Variants in TBC1D2 observed in about 807,000 individuals in gnomAD.
The protein encoded by TBC1D2 is TBC1 domain family member 2A.
In TBC1D2, 58 loss-of-function variants were observed where a neutral mutation model predicts 91.1. The ratio of observed to expected loss-of-function variants is 0.64; its 90% CI spans 0.52 to 0.79. The LOEUF (loss-of-function observed/expected upper bound fraction) is 0.79. TBC1D2 is among the 30% of genes least tolerant of loss of function. The probability of loss-of-function intolerance (pLI) is 0.00; values close to 1 mark genes in which losing one functional copy is unlikely to be tolerated. For synonymous variants in TBC1D2, 482 were observed against 511.5 expected (o/e 0.94, Z 0.78); for missense variants, 1,080 against 1,208.3 (o/e 0.89, Z 1.57).
Position 98,221,000 on chromosome 9 carries a change from G to C in TBC1D2, c.1207C>G (p.His403Asp). ...REQQVQELQQ[H>D]VQLLMDKNHA... Reference sequence around the variant, plus strand: ...TTCTTGTCCATAAGCAGCTGCACGTGCTGCTGTAGCTCCTGCACCTGCTGC... The same window carrying C: ...TTCTTGTCCATAAGCAGCTGCACGTCCTGCTGTAGCTCCTGCACCTGCTGC... The change falls in exon 6 of 13, where the codon CAC (histidine) becomes GAC (aspartate). Residue 403 changes from histidine to aspartate, a missense_variant. Coordinates refer to ENST00000465784, the MANE Select transcript of TBC1D2 (RefSeq NM_001267571.2). 1 of 1,614,162 alleles carries C rather than the reference G, an allele frequency of 6.2e-7. No individual in the cohort carries two copies. Among genetic ancestry groups the C allele is most frequent in the Non-Finnish European group, 8.5e-7 (1 of 1,180,016 alleles).
intron 2 of TBC1D2, among the ~76,000 whole-genome samples, chr9:98,249,214 G>A (rs962901547): frequency 6.6e-6 from 1 of 152,194 alleles, no homozygotes; most frequent in African/African-American, 2.4e-5. Context: ...GCGAGGAAAG[G>A]TTTCAAGAGG....
intron 8 of TBC1D2, among the ~76,000 whole-genome samples, chr9:98,209,513 ACCC>A (rs2119025584): frequency 6.6e-6 from 1 of 152,284 alleles, no homozygotes; most frequent in South Asian, 2.1e-4. Flanking sequence ...TGCATACAGA[ACCC>A]CACTTACCAC....
At chr9:98,220,331 C>T (rs879333845) in intron 6 of TBC1D2, among the ~76,000 whole-genome samples, 4 of 152,182 alleles carry the variant, frequency 2.6e-5, no homozygotes, top group Non-Finnish European at 5.9e-5. Flanking sequence ...ATGCACCCAC[C>T]GAGGGCAGTG....
In TBC1D2 at chr9:98,245,063, A is replaced by AC. The variant is rs1829736385; in HGVS notation, c.512-935dup. Reference sequence around the variant, plus strand: ...AGACTGTCCTGGCTAACACGGTGAAACCCCATCTCTACTAAAAATACAAAA... The same window carrying AC: ...AGACTGTCCTGGCTAACACGGTGAAACCCCCATCTCTACTAAAAATACAAAA... On this transcript the variant is annotated intron_variant, in intron 2 of 12. Transcript: ENST00000465784. 2.0e-5 allele frequency among the ~76,000 whole-genome samples: 3 copies of AC among 151,972 alleles called. No individual in the cohort carries two copies. The South Asian group carries it at 6.2e-4, about 32-fold the overall frequency.
intron 3 of TBC1D2, among the ~76,000 whole-genome samples, chr9:98,236,904 G>GT (rs1181295906): frequency 1.3e-5 from 2 of 150,406 alleles, no homozygotes; most frequent in Non-Finnish European, 3.0e-5. Flanking sequence ...GGCATGCTTT[G>GT]TATCTGTGTA....
rs528252959 is a variant in TBC1D2, at chr9:98,220,998, G to A, written c.1209C>T (p.His403=). 12 of 1,614,156 alleles carry A rather than the reference G, an allele frequency of 7.4e-6. No individual in the cohort carries two copies. The highest frequency in any genetic ancestry group is 6.7e-5 in the East Asian group (3 of 44,874). ...GGTTCTTGTCCATAAGCAGCTGCAC[G>A]TGCTGCTGTAGCTCCTGCACCTGCT... ...REQQVQELQQ[H]VQLLMDKNHA... Residue 403 remains histidine (H), a synonymous_variant, in exon 6 of 13, where the codon CAC becomes CAT. Coordinates refer to ENST00000465784, the MANE Select transcript of TBC1D2 (RefSeq NM_001267571.2).
At chr9:98,241,675 C>T (rs1193199836) in intron 3 of TBC1D2, among the ~76,000 whole-genome samples, 3 of 152,132 alleles carry the variant, frequency 2.0e-5, no homozygotes, top group Non-Finnish European at 2.9e-5. Flanking sequence ...GTGAGACTGC[C>T]CTGGGTGCAT....
chr9:98,224,280 C>CTTTTTT (rs1170210699), intron 5 of TBC1D2, among the ~76,000 whole-genome samples: 168 of 107,398 alleles, frequency 1.6e-3, no homozygotes, highest in Middle Eastern at 5.0e-3. Flanking sequence ...TTTTTCTTTT[C>CTTTTTT]TTTTTTTTTT....
At chr9:98,227,890 G>T (rs1458388792) in intron 5 of TBC1D2, among the ~76,000 whole-genome samples, 1 of 152,136 alleles carries the variant, frequency 6.6e-6, no homozygotes, top group South Asian at 2.1e-4. Context: ...AAAGGCAGAC[G>T]AGGGGCCAAA....
rs754939774 is a variant in TBC1D2 at position 98,199,419 on chromosome 9, C to T, written c.2749G>A (p.Gly917Ser). Residue 917 changes from glycine (G) to serine (S), a missense_variant, in exon 13 of 13, where the codon GGC becomes AGC. Coordinates refer to ENST00000465784, the MANE Select transcript of TBC1D2 (RefSeq NM_001267571.2). ...TCCACCTCGTCCTCGCTGGCACAGC[C>T]CTCGGACACAGCTCTGCGCCGGGAT... The part of the protein sequence containing the change: ...RASRRRAVSE[G>S]CASEDEVEGE... 4 of 1,613,790 alleles carry T rather than the reference C, an allele frequency of 2.5e-6. No individual in the cohort carries two copies. Among genetic ancestry groups the T allele is most frequent in the Non-Finnish European group, 3.4e-6 (4 of 1,179,996 alleles).
At position 98,208,691 on chromosome 9, in the gene TBC1D2, G is replaced by T; in HGVS notation, c.2127C>A (p.Ile709=). The change falls in exon 9 of 13, where the codon ATC becomes ATA. Residue 709 remains isoleucine (I), a synonymous_variant. Coordinates refer to ENST00000465784, the MANE Select transcript of TBC1D2 (RefSeq NM_001267571.2). ...LLAFSWQNPT[I]GYCQGLNRLA... is the part of the protein sequence containing the mutation. ...ACCTGTTCAGGCCCTGGCAGTAGCC[G>T]ATGGTGGGGTTCTGCCAGGAGAAGG... 6.5e-7 allele frequency: 1 copy of T among 1,531,958 alleles called. No individual in the cohort carries two copies. The highest frequency in any genetic ancestry group is 1.3e-5 in the South Asian group (1 of 79,176). 94.9% of individuals were successfully genotyped at this position (1,531,958 alleles called of 1,614,324 possible). A position where few individuals can be genotyped will look rare whatever the true frequency, so the allele number is the denominator to read the frequency against.
intron 3 of TBC1D2, among the ~76,000 whole-genome samples, chr9:98,240,112 G>T (rs773581564): frequency 6.6e-6 from 1 of 151,922 alleles, no homozygotes; most frequent in Non-Finnish European, 1.5e-5. Context: ...TCTTTTCAAA[G>T]AATCTCTATT....
At position 98,220,828 on chromosome 9, in the gene TBC1D2, C is replaced by A; in HGVS notation, c.1374+5G>T. The A allele has an allele frequency of 1.2e-6, 2 of 1,613,176 alleles. No homozygotes were observed. The highest frequency in any genetic ancestry group is 2.2e-5 in the South Asian group (2 of 91,052). On this transcript the variant is annotated splice_donor_5th_base_variant and intron_variant, in intron 6 of 12. Coordinates refer to ENST00000465784, the MANE Select transcript of TBC1D2 (RefSeq NM_001267571.2). ...GACTGGCAGGCCCTGAGGGGAGGCCCCTACCTTCAGGTGCTCTATCTTCCC... is the reference window on the plus strand; with the variant it reads ...GACTGGCAGGCCCTGAGGGGAGGCCACTACCTTCAGGTGCTCTATCTTCCC...
Position 98,209,072 on chromosome 9 carries a change from G to A in TBC1D2, c.1746C>T (p.Ile582=). The A allele has an allele frequency of 6.2e-7, 1 of 1,614,222 alleles. No individual in the cohort carries two copies. The highest frequency in any genetic ancestry group is 8.5e-7 in the Non-Finnish European group (1 of 1,180,048). The stretch of plus-strand genomic sequence containing the variant: ...GGTGGGATCGTGACTCCAATGCCTG[G>A]ATCTTGGCCAGCAGCTTCAGGTCTT... ...EVEDLKLLAK[I]QALESRSHHL... is the part of the protein sequence containing the mutation. The change falls in exon 9 of 13, where the codon ATC becomes ATT. Residue 582 remains isoleucine (I), a synonymous_variant. Transcript: ENST00000465784.
intron 6 of TBC1D2, chr9:98,213,516 A>G (rs1054719931): frequency 4.9e-6 from 4 of 820,628 alleles, no homozygotes; most frequent in Admixed American, 8.3e-5. Flanking sequence ...CTCATCTGTA[A>G]AAGGGGCAAA....
intron 7 of TBC1D2, among the ~76,000 whole-genome samples, chr9:98,212,421 T>C (rs949233141): frequency 6.6e-6 from 1 of 152,076 alleles, no homozygotes; most frequent in African/African-American, 2.4e-5. Flanking sequence ...TAGGACTCAA[T>C]TCAGAAGGTA....
chr9:98,242,145 G>A (rs1829652701), intron 3 of TBC1D2, among the ~76,000 whole-genome samples: 1 of 152,084 alleles, frequency 6.6e-6, no homozygotes, highest in Non-Finnish European at 1.5e-5. Context: ...AGTCCACATG[G>A]AACACAAATG....
At chr9:98,251,157 T>C (rs7873849) in intron 2 of TBC1D2, among the ~76,000 whole-genome samples, 25,109 of 151,996 alleles carry the variant, frequency 0.17, 2,115 homozygotes, top group Admixed American at 0.18. Flanking sequence ...TGGTGGCACG[T>C]GCCTGTAATC....
At chr9:98,247,683 C>G (rs1214702350) in intron 2 of TBC1D2, among the ~76,000 whole-genome samples, 1 of 141,330 alleles carries the variant, frequency 7.1e-6, no homozygotes, top group African/African-American at 2.7e-5. Context: ...GAGCCAAGAT[C>G]GCGCCACTGT....
Sources: gnomAD v4.1 joint callset for allele counts (sites outside exome capture counted in the v4.1 genomes callset) on GRCh38, gnomAD v4.1.1 for gene constraint, MANE v1.5 for transcripts, NCBI Gene and HGNC (gene_info 2026-07-23, HGNC 2026-07-21) for gene names.